TMEM117: variants seen among roughly 807,000 people sequenced by gnomAD.
The protein encoded by TMEM117 is transmembrane protein 117.
In TMEM117, 27 loss-of-function variants were observed where a neutral mutation model predicts 52.4. The observed-to-expected ratio is 0.51, with a 90% CI of 0.38 to 0.71. TMEM117 has a LOEUF of 0.71. Among genes scored for constraint, TMEM117 ranks in the 30% least tolerant of loss-of-function variants. TMEM117 has a pLI of 0.00. For synonymous variants in TMEM117, 215 were observed against 206.3 expected, an observed-to-expected ratio of 1.04 and a Z score of -0.36; for missense variants, 556 against 630.5, an observed-to-expected ratio of 0.88 and a Z score of 1.26.
intron 3 of TMEM117, among the ~76,000 whole-genome samples, chr12:44,104,282 ATCTCTCCATTCTTGTTTTTTC>A (rs1000604600): frequency 1.3e-5 from 2 of 151,768 alleles, no homozygotes; most frequent in Middle Eastern, 3.2e-3. Context: ...CCCTCCCTTC[ATCTCTCCATTCTTGTTTTTTC>A]TCTCTCCACT....
intron 3 of TMEM117, among the ~76,000 whole-genome samples, chr12:44,118,603 G>A (rs1475058028): frequency 6.6e-6 from 1 of 152,202 alleles, no homozygotes; most frequent in Non-Finnish European, 1.5e-5. Context: ...TGTATGTCAT[G>A]TTATTGGCTT....
chr12:43,881,988 C>T (rs58938395), intron 2 of TMEM117, among the ~76,000 whole-genome samples: 9,334 of 151,578 alleles, frequency 0.062, 354 homozygotes, highest in Middle Eastern at 0.13. Context: ...AGGAGAATGG[C>T]GTGAACCCAG....
chr12:44,324,570 A>C (rs1565716052), intron 6 of TMEM117, among the ~76,000 whole-genome samples: 1 of 152,136 alleles, frequency 6.6e-6, no homozygotes, highest in Admixed American at 6.5e-5. Flanking sequence ...TTGGGAAAAA[A>C]AATTGAAAGA....
chr12:44,066,562 T>A (rs1014950222), intron 3 of TMEM117, among the ~76,000 whole-genome samples: 1 of 152,212 alleles, frequency 6.6e-6, no homozygotes, highest in South Asian at 2.1e-4. Context: ...GGTTTCCCAA[T>A]GCGTATAAAA....
At chr12:43,977,274 G>C (rs182955006) in intron 3 of TMEM117, among the ~76,000 whole-genome samples, 29 of 152,210 alleles carry the variant, frequency 1.9e-4, no homozygotes, top group Non-Finnish European at 3.5e-4. Context: ...GGTAATGTCC[G>C]GGGCTTGTGT....
At chr12:44,038,573 T>C (rs1946747809) in intron 3 of TMEM117, among the ~76,000 whole-genome samples, 1 of 152,178 alleles carries the variant, frequency 6.6e-6, no homozygotes, top group Non-Finnish European at 1.5e-5. Context: ...TAGTGTGAGC[T>C]GAGCACAGTC....
chr12:44,011,938 T>C (rs1283719376), intron 3 of TMEM117, among the ~76,000 whole-genome samples: 1 of 152,130 alleles, frequency 6.6e-6, no homozygotes, highest in Non-Finnish European at 1.5e-5. Flanking sequence ...CCAGGAGGGA[T>C]GGAATGGGAT....
intron 6 of TMEM117, among the ~76,000 whole-genome samples, chr12:44,309,862 A>G (rs1005976393): frequency 6.6e-6 from 1 of 152,152 alleles, no homozygotes; most frequent in African/African-American, 2.4e-5. Flanking sequence ...TATAAAATGA[A>G]ATAATATGCT....
chr12:43,836,583 C>CT (rs972741204), intron 1 of TMEM117, among the ~76,000 whole-genome samples: 1 of 152,146 alleles, frequency 6.6e-6, no homozygotes, highest in Non-Finnish European at 1.5e-5. Flanking sequence ...AGCCTAGGAA[C>CT]TGAGTAAAAG....
chr12:44,241,955 ATTC>A (rs371763491), intron 5 of TMEM117, among the ~76,000 whole-genome samples: 2 of 151,992 alleles, frequency 1.3e-5, no homozygotes, highest in African/African-American at 2.4e-5. Flanking sequence ...TTGCTTGGCT[ATTC>A]TTCTCTTTCC....
chr12:44,031,661 C>G (rs1157159868), intron 3 of TMEM117, among the ~76,000 whole-genome samples: 2 of 152,122 alleles, frequency 1.3e-5, no homozygotes, highest in Non-Finnish European at 2.9e-5. Context: ...TTCTTTTGAG[C>G]TATTTACAGC....
intron 6 of TMEM117, among the ~76,000 whole-genome samples, chr12:44,311,797 G>GTATATATGTGTATATATGTA (rs1950984227): frequency 4.5e-5 from 1 of 22,194 alleles, no homozygotes; most frequent in Non-Finnish European, 1.5e-4. Context: ...GTATATATAT[G>GTATATATGTGTATATATGTA]TATATATGTA....
intron 3 of TMEM117, among the ~76,000 whole-genome samples, chr12:44,017,056 G>T (rs1357612595): frequency 6.6e-6 from 1 of 152,098 alleles, no homozygotes; most frequent in Non-Finnish European, 1.5e-5. Flanking sequence ...GGTGGCAAAT[G>T]TGTCACTATC....
the TMEM117 span, among the ~76,000 whole-genome samples, chr12:43,808,431 C>T: frequency 6.6e-6 from 1 of 152,082 alleles, no homozygotes; most frequent in Non-Finnish European, 1.5e-5. Flanking sequence ...ATACACTGCC[C>T]ATGAGTGAAA....
chr12:43,832,341 T>C (rs1942987869), upstream of TMEM117, among the ~76,000 whole-genome samples: 2 of 152,332 alleles, frequency 1.3e-5, no homozygotes, highest in South Asian at 4.1e-4. Flanking sequence ...ACAGGTGTTT[T>C]ATAGATGTTG....
chr12:44,314,357 C>A (rs1011509070), intron 6 of TMEM117, among the ~76,000 whole-genome samples: 1 of 152,030 alleles, frequency 6.6e-6, no homozygotes, highest in Non-Finnish European at 1.5e-5. Flanking sequence ...GATGATCATA[C>A]AGTTTTGGTT....
chr12:43,946,780 A>G (rs1945140586), intron 3 of TMEM117, among the ~76,000 whole-genome samples: 1 of 152,200 alleles, frequency 6.6e-6, no homozygotes, highest in African/African-American at 2.4e-5. Flanking sequence ...GCTGAATTTG[A>G]CAATGAAAGA....
At chr12:44,038,695 T>C (rs1946750734) in intron 3 of TMEM117, among the ~76,000 whole-genome samples, 1 of 152,224 alleles carries the variant, frequency 6.6e-6, no homozygotes, top group Non-Finnish European at 1.5e-5. Flanking sequence ...ACGGATCCTG[T>C]GACAATATTC....
intron 7 of TMEM117, among the ~76,000 whole-genome samples, chr12:44,387,600 T>G (rs1952106481): frequency 6.6e-6 from 1 of 152,166 alleles, no homozygotes; most frequent in African/African-American, 2.4e-5. Context: ...ATGATTTATT[T>G]CTTGCCCAGA....
Sources: gnomAD v4.1 joint callset for allele counts (sites outside exome capture counted in the v4.1 genomes callset) on GRCh38, gnomAD v4.1.1 for gene constraint, MANE v1.5 for transcripts, NCBI Gene and HGNC (gene_info 2026-07-23, HGNC 2026-07-21) for gene names.